The following PDE1C variants were observed in gnomAD, a reference collection of about 807,000 sequenced individuals.
PDE1C encodes the protein dual specificity calcium/calmodulin-dependent 3',5'-cyclic nucleotide phosphodiesterase 1C.
PDE1C carries 62 observed loss-of-function variants against 93.1 expected under a neutral mutation model. The ratio of observed to expected loss-of-function variants is 0.67; its 90% confidence interval spans 0.54 to 0.82. PDE1C has a LOEUF of 0.82. PDE1C is among the 40% of genes least tolerant of loss of function. PDE1C has a pLI of 0.00. For missense variants in PDE1C, 742 were observed against 884.6 expected (o/e 0.84, Z 2.04); for synonymous variants, 325 against 310.1 (o/e 1.05, Z -0.50).
chr7:31,890,658 T>G (rs1798507212), intron 2 of PDE1C, among the ~76,000 whole-genome samples: 1 of 152,242 alleles, frequency 6.6e-6, no homozygotes, highest in African/African-American at 2.4e-5. Context: ...TTTGGTAAGA[T>G]AAACCTAAGG....
Position 31,752,822 on chromosome 7 carries a change from C to T in PDE1C, c.*562G>A, listed in dbSNP as rs373577971. Reference sequence around the variant, plus strand: ...ATGTCCATGAATACAACAATTCATCCGTCTTCTCTTCCTTTTAATATTTTT... The same window carrying T: ...ATGTCCATGAATACAACAATTCATCTGTCTTCTCTTCCTTTTAATATTTTT... On this transcript the variant is annotated 3_prime_UTR_variant, in exon 18 of 18. Coordinates refer to ENST00000396191, the MANE Select transcript of PDE1C (RefSeq NM_001191057.4). 4.6e-5 allele frequency: 7 copies of T among 152,082 alleles called. No homozygotes were observed. The highest frequency in any genetic ancestry group is 4.2e-4 in the South Asian group (2 of 4,818). The allele number at this position is 152,082 out of a possible 1,614,324, so 9.4% of individuals were successfully genotyped here.
At chr7:31,666,965 T>C in the PDE1C span, among the ~76,000 whole-genome samples, 6 of 152,098 alleles carry the variant, frequency 3.9e-5, no homozygotes, top group Admixed American at 6.6e-5. Flanking sequence ...AGGGCTAGGG[T>C]TGCAGTAGGT....
the PDE1C span, among the ~76,000 whole-genome samples, chr7:31,627,729 G>A: frequency 6.6e-6 from 1 of 150,416 alleles, no homozygotes; most frequent in South Asian, 2.1e-4. Flanking sequence ...TTGACAGAAT[G>A]GAAAGCAGTG....
At chr7:31,769,874 G>A (rs1283268554) in intron 17 of PDE1C, among the ~76,000 whole-genome samples, 1 of 152,154 alleles carries the variant, frequency 6.6e-6, no homozygotes, top group South Asian at 2.1e-4. Context: ...GACCTTTTGT[G>A]TCTGGCTTCT....
chr7:32,324,358 T>C (rs1783360550), intron 1 of PDE1C, among the ~76,000 whole-genome samples: 1 of 152,186 alleles, frequency 6.6e-6, no homozygotes, highest in South Asian at 2.1e-4. Context: ...CCCCAGCCTT[T>C]TTCAACCTCA....
At chr7:32,062,389 C>T (rs30590) in intron 1 of PDE1C, among the ~76,000 whole-genome samples, 70,405 of 152,020 alleles carry the variant, frequency 0.46, 16,835 homozygotes, top group Middle Eastern at 0.55. Flanking sequence ...GGAGCCTTCG[C>T]CTCCTTCCAG....
intron 17 of PDE1C, among the ~76,000 whole-genome samples, chr7:31,770,509 AT>A (rs1795417119): frequency 5.4e-5 from 8 of 148,866 alleles, no homozygotes; most frequent in Admixed American, 4.7e-4. Context: ...CTTCTTTTTT[AT>A]TTTATTTTTT....
intron 2 of PDE1C, among the ~76,000 whole-genome samples, chr7:31,896,047 C>T (rs927782610): frequency 8.3e-6 from 1 of 120,572 alleles, no homozygotes; most frequent in African/African-American, 3.0e-5. Flanking sequence ...ACACAAACTG[C>T]CCCATCACCC....
chr7:31,846,192 T>C (rs1792558620), intron 9 of PDE1C, among the ~76,000 whole-genome samples: 1 of 151,918 alleles, frequency 6.6e-6, no homozygotes, highest in Admixed American at 6.6e-5. Flanking sequence ...AACATACGTA[T>C]GCTACTTCTG....
intron 2 of PDE1C, among the ~76,000 whole-genome samples, chr7:32,205,221 TC>T (rs1290025773): frequency 6.6e-6 from 1 of 152,212 alleles, no homozygotes; most frequent in African/African-American, 2.4e-5. Context: ...CTTCACATAG[TC>T]CATGACCAGC....
chr7:31,649,655 G>A, the PDE1C span, among the ~76,000 whole-genome samples: 6 of 152,066 alleles, frequency 3.9e-5, no homozygotes, highest in Non-Finnish European at 1.5e-5. Flanking sequence ...ATGGCTTTAG[G>A]GCCTAACAAG....
intron 2 of PDE1C, among the ~76,000 whole-genome samples, chr7:32,179,212 TA>T (rs1803215116): frequency 6.6e-6 from 1 of 151,758 alleles, no homozygotes; most frequent in African/African-American, 2.4e-5. Context: ...GACAATTTTT[TA>T]CATAGGAAAC....
At chr7:32,231,527 T>C (rs1807688769) in intron 1 of PDE1C, among the ~76,000 whole-genome samples, 1 of 152,142 alleles carries the variant, frequency 6.6e-6, no homozygotes, top group Non-Finnish European at 1.5e-5. Context: ...TAATAAAACA[T>C]TTATCCACCA....
chr7:31,656,049 C>A, the PDE1C span: 1 of 975,774 alleles, frequency 1.0e-6, no homozygotes. Flanking sequence ...AGTCCTAGGG[C>A]AGACCCCATC....
At chr7:31,748,521 TA>T (rs35138277), downstream of PDE1C, among the ~76,000 whole-genome samples, 9 of 152,246 alleles carry the variant, frequency 5.9e-5, no homozygotes, top group Non-Finnish European at 1.2e-4. Flanking sequence ...CATGTGAAGT[TA>T]AAATATGCAG....
At chr7:32,194,546 T>C (rs1014943207) in intron 2 of PDE1C, among the ~76,000 whole-genome samples, 1 of 152,248 alleles carries the variant, frequency 6.6e-6, no homozygotes, top group African/African-American at 2.4e-5. Context: ...TATTATATAA[T>C]GTTTCTCTCT....
chr7:31,837,863 C>T lies in PDE1C; in HGVS notation c.1082+7G>A. 1 of 1,596,670 alleles carries T rather than the reference C, an allele frequency of 6.3e-7. No individual in the cohort carries two copies. Among genetic ancestry groups the T allele is most frequent in the Non-Finnish European group, 8.6e-7 (1 of 1,164,142 alleles). ...CAAACAAAAACACAAGCCACAAGCA[C>T]ACTTACGCTTCTGGCTGCTGCAGAG... On this transcript the variant is annotated splice_region_variant and intron_variant, in intron 10 of 17. Transcript: ENST00000396191.
intron 2 of PDE1C, among the ~76,000 whole-genome samples, chr7:31,934,694 C>T (rs139362639): frequency 5.3e-5 from 8 of 152,192 alleles, no homozygotes; most frequent in Admixed American, 2.6e-4. Context: ...ATTTGTGGTA[C>T]GTTTGAGGAA....
At chr7:31,835,896 A>G (rs1044396897) in intron 11 of PDE1C, among the ~76,000 whole-genome samples, 21 of 152,168 alleles carry the variant, frequency 1.4e-4, no homozygotes, top group African/African-American at 4.8e-4. Flanking sequence ...TTCAGACTTG[A>G]AATCTAAGAG....
Sources: allele counts gnomAD v4.1 joint callset (sites outside exome capture counted in the v4.1 genomes callset), GRCh38; gene constraint gnomAD v4.1.1; transcripts MANE v1.5; gene names NCBI Gene and HGNC (gene_info 2026-07-23, HGNC 2026-07-21).